Variants in ERCC6L2 observed in about 807,000 individuals in gnomAD.
The protein encoded by ERCC6L2 is ERCC excision repair 6 like 2.
In ERCC6L2, 77 loss-of-function variants were observed where a neutral mutation model predicts 132.0. The ratio of observed to expected loss-of-function variants is 0.58; its 90% CI spans 0.49 to 0.71. The LOEUF is 0.71. Ranked by LOEUF, ERCC6L2 falls within the 30% of genes least tolerant of loss-of-function variation. ERCC6L2 has a pLI of 0.00. For synonymous variants in ERCC6L2, 583 were observed against 632.4 expected, an observed-to-expected ratio of 0.92 and a Z score of 1.17; for missense variants, 1,542 against 1,837.6, an observed-to-expected ratio of 0.84 and a Z score of 2.94.
At chr9:95,931,225 C>T (rs1830324757) in intron 11 of ERCC6L2, among the ~76,000 whole-genome samples, 1 of 152,084 alleles carries the variant, frequency 6.6e-6, no homozygotes, top group African/African-American at 2.4e-5. Flanking sequence ...GTCTTTTCCC[C>T]CTCTCAGTCT....
chr9:95,925,623 TA>T (rs1830067043), intron 9 of ERCC6L2, among the ~76,000 whole-genome samples: 1 of 152,242 alleles, frequency 6.6e-6, no homozygotes, highest in South Asian at 2.1e-4. Flanking sequence ...CTCTTTAAAC[TA>T]GCCTAATTAA....
At position 95,991,481 on chromosome 9, in the gene ERCC6L2, C is replaced by T. The variant is rs375120972; in HGVS notation, c.3493-13039C>T. On this transcript the variant is annotated intron_variant, in intron 17 of 18. Coordinates refer to ENST00000653738, the MANE Select transcript of ERCC6L2 (RefSeq NM_020207.7). ...GAACTAGCCTCTTTTTTATAGAACA[C>T]CATTTGTACTTGAAAGAATGACTGA... Among the ~76,000 whole-genome samples, 40 of 152,174 alleles carry T rather than the reference C, an allele frequency of 2.6e-4. 1 individual carries two copies. In the Middle Eastern group the frequency reaches 0.014, roughly 52 times the overall value.
chr9:95,877,258 C>A (rs1360552409), intron 1 of ERCC6L2, among the ~76,000 whole-genome samples: 1 of 151,990 alleles, frequency 6.6e-6, no homozygotes, highest in Non-Finnish European at 1.5e-5. Flanking sequence ...CCATTTCTAA[C>A]TCAACTGAAT....
chr9:96,027,373 G>C (rs1834392866), intron 19 of ERCC6L2, among the ~76,000 whole-genome samples: 1 of 152,230 alleles, frequency 6.6e-6, no homozygotes, highest in African/African-American at 2.4e-5. Flanking sequence ...CTGGCAGGGA[G>C]AGCCCAGGCC....
intron 1 of ERCC6L2, among the ~76,000 whole-genome samples, chr9:95,880,215 G>A (rs1403124504): frequency 6.6e-6 from 1 of 152,110 alleles, no homozygotes; most frequent in Non-Finnish European, 1.5e-5. Context: ...TGAATTGGAG[G>A]TTCCCATGGT....
chr9:96,004,157 G>A (rs1833783860), intron 17 of ERCC6L2, among the ~76,000 whole-genome samples: 2 of 152,140 alleles, frequency 1.3e-5, no homozygotes, highest in Non-Finnish European at 2.9e-5. Context: ...TAATAATTTT[G>A]CAATTACTAA....
chr9:96,018,679 A>C (rs925890348), downstream of ERCC6L2, among the ~76,000 whole-genome samples: 1 of 149,808 alleles, frequency 6.7e-6, no homozygotes, highest in African/African-American at 2.5e-5. Context: ...CATGTTGCCC[A>C]GGTCTGGTCT....
At position 95,972,311 on chromosome 9, in the gene ERCC6L2, A is replaced by G. The variant is rs1179001703; in HGVS notation, c.2560A>G (p.Ile854Val). The change falls in exon 16 of 19, where the codon ATC becomes GTC. Residue 854 changes from isoleucine to valine, a missense_variant. Around this residue, in one of 4 missense-constraint regions of ERCC6L2, gnomAD observed 945 missense variants for 1,105.2 expected, o/e 0.86. Transcript: ENST00000653738. The part of the protein sequence containing the change: ...GTSKHQKLDN[I>V]LNPKEKHIFY... Reference sequence around the variant, plus strand: ...TTCAAAACATCAGAAATTAGATAACATCCTAAATCCAAAAGAAAAGCATAT... The same window carrying G: ...TTCAAAACATCAGAAATTAGATAACGTCCTAAATCCAAAAGAAAAGCATAT... The G allele has an allele frequency of 3.1e-6, 4 of 1,293,588 alleles. No homozygotes were observed. The highest frequency in any genetic ancestry group is 1.1e-4 in the East Asian group (2 of 17,980). The allele number at this position is 1,293,588 out of a possible 1,614,324, so 80.1% of individuals were successfully genotyped here.
chr9:95,878,775 C>T (rs540044139), intron 1 of ERCC6L2, among the ~76,000 whole-genome samples: 3 of 149,742 alleles, frequency 2.0e-5, no homozygotes, highest in South Asian at 2.1e-4. Context: ...TTTGTTCTTG[C>T]GATAGTTTAC....
At chr9:96,027,246 C>T (rs1175249280) in intron 19 of ERCC6L2, among the ~76,000 whole-genome samples, 4 of 152,166 alleles carry the variant, frequency 2.6e-5, no homozygotes, top group African/African-American at 9.7e-5. Context: ...CTTGCGCCCC[C>T]CTCCCGCCTC....
chr9:95,970,688 A>T, intron 15 of ERCC6L2, 32 bp downstream of exon 15: 4 of 1,259,246 alleles, frequency 3.2e-6, no homozygotes, highest in Non-Finnish European at 3.1e-6. Flanking sequence ...AGACTACAAC[A>T]CCTAGAAAAC....
rs1834102272 is a variant in ERCC6L2 at position 96,013,394 on chromosome 9, G to T, written c.*191G>T. 1 of 361,382 alleles carries T rather than the reference G, an allele frequency of 2.8e-6. No homozygotes were observed. Among genetic ancestry groups the T allele is most frequent in the Non-Finnish European group, 4.7e-6 (1 of 211,064 alleles). The allele number at this position is 361,382 out of a possible 1,614,324, so 22.4% of individuals were successfully genotyped here. On this transcript the variant is annotated 3_prime_UTR_variant, in exon 19 of 19. Transcript: ENST00000653738. ...CTTGATATTTGATTTGATCTTTCAA[G>T]AATATGATTGTATTTATAGTATAAA...
At position 95,875,885 on chromosome 9, in the gene ERCC6L2, T is replaced by A; in HGVS notation, c.-154T>A. 1.4e-6 allele frequency: 1 copy of A among 740,470 alleles called. No homozygotes were observed. The highest frequency in any genetic ancestry group is 2.2e-6 in the Non-Finnish European group (1 of 444,850). 45.9% of individuals were successfully genotyped at this position (740,470 alleles called of 1,614,324 possible). The stretch of plus-strand genomic sequence containing the variant: ...GCTACCTTTGCTGGGATCCCCCTCC[T>A]CCATCCTGTGGCTTCGGGTTGCCGA... On this transcript the variant is annotated 5_prime_UTR_variant, in exon 1 of 19. Transcript: ENST00000653738.
intron 16 of ERCC6L2, among the ~76,000 whole-genome samples, chr9:95,976,188 T>G (rs903182670): frequency 2.0e-5 from 3 of 152,212 alleles, no homozygotes; most frequent in African/African-American, 7.2e-5. Flanking sequence ...AGTGCTGCAC[T>G]GTGGTGGGCT....
At chr9:96,019,082 C>T (rs950275347), downstream of ERCC6L2, among the ~76,000 whole-genome samples, 1 of 152,194 alleles carries the variant, frequency 6.6e-6, no homozygotes, top group African/African-American at 2.4e-5. Flanking sequence ...TCTAAGGAAA[C>T]TCCAATGAGT....
chr9:95,978,987 G>T (rs965666464), intron 17 of ERCC6L2, among the ~76,000 whole-genome samples: 14 of 152,154 alleles, frequency 9.2e-5, no homozygotes, highest in Admixed American at 4.6e-4. Flanking sequence ...GTTTGACAAA[G>T]GAATTAAATT....
At chr9:95,923,883 C>G (rs1287660494) in intron 9 of ERCC6L2, among the ~76,000 whole-genome samples, 2 of 152,136 alleles carry the variant, frequency 1.3e-5, no homozygotes, top group African/African-American at 2.4e-5. Flanking sequence ...AGTCATTTGT[C>G]ATACACAGGA....
intron 12 of ERCC6L2, among the ~76,000 whole-genome samples, chr9:95,944,891 CA>C (rs1240145446): frequency 6.6e-6 from 1 of 152,102 alleles, no homozygotes; most frequent in Non-Finnish European, 1.5e-5. Flanking sequence ...TCACATCCTT[CA>C]CAAGGTAATA....
chr9:95,893,948 T>G (rs1828305302), intron 2 of ERCC6L2, among the ~76,000 whole-genome samples: 1 of 152,186 alleles, frequency 6.6e-6, no homozygotes, highest in Non-Finnish European at 1.5e-5. Flanking sequence ...TAGTCCCTCT[T>G]CTTTCCTAAT....
Sources: gnomAD v4.1 joint callset for allele counts (sites outside exome capture counted in the v4.1 genomes callset) on GRCh38, gnomAD v4.1.1 for gene constraint, gnomAD v4.1.1 regional missense constraint, MANE v1.5 for transcripts, NCBI Gene and HGNC (gene_info 2026-07-23, HGNC 2026-07-21) for gene names.